NBEA: variants seen among roughly 807,000 people sequenced by gnomAD.
The protein encoded by NBEA is neurobeachin.
Under a neutral mutation model 343.4 loss-of-function variants are expected in NBEA, and 44 were observed. That is an observed-to-expected ratio of 0.13 (90% CI 0.10 to 0.16). The LOEUF is 0.16. NBEA is among the 10% of genes least tolerant of loss of function. The pLI, the probability that NBEA is intolerant of heterozygous loss-of-function variation, is 1.00. For synonymous variants in NBEA, 1,175 were observed against 1,238.7 expected (o/e 0.95, Z 1.08); for missense variants, 2,555 against 3,631.3 (o/e 0.70, Z 7.62).
chr13:35,152,101 G>A (rs1042357998), intron 18 of NBEA, among the ~76,000 whole-genome samples: 3 of 152,048 alleles, frequency 2.0e-5, no homozygotes, highest in East Asian at 3.9e-4. Flanking sequence ...TAAACATGTA[G>A]TGGTGACACA....
At chr13:35,495,136 G>T (rs2076632983) in intron 41 of NBEA, among the ~76,000 whole-genome samples, 2 of 151,876 alleles carry the variant, frequency 1.3e-5, no homozygotes, top group African/African-American at 4.8e-5. Flanking sequence ...ACCCAGTTTA[G>T]GTTCAAAGAT....
At chr13:35,656,306 G>T (rs2084810186) in intron 55 of NBEA, among the ~76,000 whole-genome samples, 1 of 152,122 alleles carries the variant, frequency 6.6e-6, no homozygotes, top group East Asian at 1.9e-4. Flanking sequence ...ATTCCACAGT[G>T]CACCCTAAGA....
intron 56 of NBEA, among the ~76,000 whole-genome samples, 170 bp from the exon 57 acceptor site, chr13:35,667,204 C>A (rs2085398973): frequency 6.6e-6 from 1 of 152,140 alleles, no homozygotes; most frequent in Admixed American, 6.5e-5. Context: ...GGTACTCTGG[C>A]TTTGCTCTGT....
At chr13:34,962,163 T>C (rs2059680961) in intron 1 of NBEA, among the ~76,000 whole-genome samples, 1 of 152,010 alleles carries the variant, frequency 6.6e-6, no homozygotes, top group Non-Finnish European at 1.5e-5. Flanking sequence ...CTATCAGTGG[T>C]CTGGAGATTT....
chr13:35,309,848 G>A (rs1399230033), intron 36 of NBEA, among the ~76,000 whole-genome samples: 2 of 152,122 alleles, frequency 1.3e-5, no homozygotes, highest in Non-Finnish European at 2.9e-5. Flanking sequence ...TTACTGAGTA[G>A]TAAAGTTGTT....
chr13:35,431,555 TTGGCCG>T (rs2045110726), intron 38 of NBEA, among the ~76,000 whole-genome samples: 1 of 152,196 alleles, frequency 6.6e-6, no homozygotes, highest in Admixed American at 6.5e-5. Flanking sequence ...ATGGCCAATG[TTGGCCG>T]TGGCTATTAA....
chr13:35,200,010 GCA>G (rs961995591), intron 31 of NBEA, among the ~76,000 whole-genome samples: 1 of 151,904 alleles, frequency 6.6e-6, no homozygotes, highest in Non-Finnish European at 1.5e-5. Flanking sequence ...TCTATAATGA[GCA>G]AACACTGTAT....
At chr13:35,090,624 C>T (rs2065034018) in intron 10 of NBEA, among the ~76,000 whole-genome samples, 1 of 151,782 alleles carries the variant, frequency 6.6e-6, no homozygotes, top group African/African-American at 2.4e-5. Flanking sequence ...GCATATTGAA[C>T]AACTCTGTCT....
chr13:35,362,036 A>G (rs1033570505), intron 38 of NBEA, among the ~76,000 whole-genome samples: 2 of 151,990 alleles, frequency 1.3e-5, no homozygotes, highest in Admixed American at 6.6e-5. Context: ...GAATTTTACT[A>G]TATGTAAATT....
intron 10 of NBEA, among the ~76,000 whole-genome samples, chr13:35,075,002 G>GT (rs1354630698): frequency 3.3e-5 from 5 of 151,960 alleles, no homozygotes; most frequent in Non-Finnish European, 7.4e-5. Context: ...CCACTGTTTT[G>GT]TTTTTTATCT....
chr13:35,051,501 T>A (rs1454487366), intron 6 of NBEA, among the ~76,000 whole-genome samples: 2 of 152,058 alleles, frequency 1.3e-5, no homozygotes, highest in African/African-American at 2.4e-5. Flanking sequence ...ATATTTGCTT[T>A]ATATTTAATG....
chr13:35,593,176 G>T, intron 46 of NBEA, 152 bp from the exon 47 acceptor site: 1 of 688,346 alleles, frequency 1.5e-6, no homozygotes, highest in Non-Finnish European at 2.2e-6. Context: ...GCCCAGACAG[G>T]CATCTCCTAC....
chr13:35,583,637 C>A (rs949216035), intron 45 of NBEA, among the ~76,000 whole-genome samples: 3 of 152,118 alleles, frequency 2.0e-5, no homozygotes, highest in Non-Finnish European at 4.4e-5. Flanking sequence ...AACTAGATCA[C>A]CTCTGATAAT....
At chr13:35,598,031 C>T (rs755631757) in intron 47 of NBEA, among the ~76,000 whole-genome samples, 4 of 152,108 alleles carry the variant, frequency 2.6e-5, no homozygotes, top group Non-Finnish European at 2.9e-5. Flanking sequence ...ACTTGTTCCC[C>T]ACAAGTCCCA....
In NBEA at chr13:34,942,632, G is replaced by A; in HGVS notation, c.-189G>A. ...CCGAGAATAAGCCTGCGGATCCCCC[G>A]CCGCCTCCGCGGGGGAGAGCGCCGG... On this transcript the variant is annotated 5_prime_UTR_variant, in exon 1 of 59. Transcript: ENST00000379939. 1 of 332,122 alleles carries A rather than the reference G, an allele frequency of 3.0e-6. No individual in the cohort carries two copies. The highest frequency in any genetic ancestry group is 5.4e-6 in the Non-Finnish European group (1 of 186,324). The allele number at this position is 332,122 out of a possible 1,614,324, so 20.6% of individuals were successfully genotyped here. A position where few individuals can be genotyped will look rare whatever the true frequency, so the allele number is the denominator to read the frequency against.
chr13:35,437,501 CAT>C (rs1334680226), intron 39 of NBEA, among the ~76,000 whole-genome samples: 2 of 151,932 alleles, frequency 1.3e-5, no homozygotes, highest in African/African-American at 2.4e-5. Context: ...ATGAGGTTGT[CAT>C]GTGCAAAAGA....
chr13:35,107,982 TC>T (rs2073235905), intron 11 of NBEA, among the ~76,000 whole-genome samples: 1 of 152,124 alleles, frequency 6.6e-6, no homozygotes, highest in African/African-American at 2.4e-5. Flanking sequence ...TCATTTTAGT[TC>T]GTGACCGTTT....
intron 18 of NBEA, among the ~76,000 whole-genome samples, chr13:35,146,349 C>T (rs1198176345): frequency 6.6e-6 from 1 of 152,022 alleles, no homozygotes; most frequent in Non-Finnish European, 1.5e-5. Context: ...CCAAGAGTGG[C>T]CTTTAGGACA....
intron 30 of NBEA, chr13:35,185,940 T>C (rs1030023494): frequency 6.6e-6 from 1 of 152,112 alleles, no homozygotes; most frequent in Non-Finnish European, 1.5e-5. Context: ...ATGATAGATA[T>C]GATCAAAGAG....
Sources: allele counts gnomAD v4.1 joint callset (sites outside exome capture counted in the v4.1 genomes callset), GRCh38; gene constraint gnomAD v4.1.1; transcripts MANE v1.5; gene names NCBI Gene and HGNC (gene_info 2026-07-23, HGNC 2026-07-21).